STXBP6: variants seen among roughly 807,000 people sequenced by gnomAD.
STXBP6 encodes the protein syntaxin binding protein 6.
STXBP6 carries 21 observed loss-of-function variants against 26.9 expected under a neutral mutation model. That is an observed-to-expected ratio of 0.78 (90% CI 0.55 to 1.12). The LOEUF is 1.12. STXBP6 is among the 50% of genes most tolerant of loss of function. The probability of loss-of-function intolerance (pLI) is 0.00; values close to 1 mark genes in which losing one functional copy is unlikely to be tolerated. For synonymous variants in STXBP6, 97 were observed against 92.6 expected, an observed-to-expected ratio of 1.05 and a Z score of -0.27; for missense variants, 232 against 257.9, an observed-to-expected ratio of 0.90 and a Z score of 0.69.
intron 2 of STXBP6, among the ~76,000 whole-genome samples, chr14:24,914,600 T>C (rs892142267): frequency 1.3e-5 from 2 of 152,216 alleles, no homozygotes; most frequent in African/African-American, 4.8e-5. Flanking sequence ...CTATCCTGAA[T>C]GCCAGGGCCG....
intron 5 of STXBP6, chr14:24,815,986 G>C (rs527242256): frequency 2.0e-5 from 3 of 152,254 alleles, no homozygotes; most frequent in African/African-American, 7.2e-5. Flanking sequence ...TTGAAGTCAG[G>C]GTTGTGCAAA....
intron 4 of STXBP6, among the ~76,000 whole-genome samples, chr14:24,850,068 A>G (rs1180140248): frequency 6.6e-6 from 1 of 152,150 alleles, no homozygotes; most frequent in Non-Finnish European, 1.5e-5. Context: ...TTAAAGTACT[A>G]TATTAATATA....
At chr14:24,942,226 G>A (rs187045360) in intron 2 of STXBP6, among the ~76,000 whole-genome samples, 1 of 152,352 alleles carries the variant, frequency 6.6e-6, no homozygotes, top group Admixed American at 6.5e-5. Context: ...TTGGCCACTA[G>A]TGGAGGTCTT....
intron 3 of STXBP6, 111 bp downstream of exon 3, chr14:24,856,916 A>T: frequency 7.6e-7 from 1 of 1,310,638 alleles, no homozygotes; most frequent in Non-Finnish European, 1.0e-6. Flanking sequence ...ATTGAAATAG[A>T]GAAATAGCCT....
intron 5 of STXBP6, among the ~76,000 whole-genome samples, 158 bp downstream of exon 5, chr14:24,818,879 C>A (rs141891117): frequency 1.3e-5 from 2 of 152,120 alleles, no homozygotes; most frequent in Non-Finnish European, 2.9e-5. Context: ...AAATTTTCCA[C>A]GACTCAGGTG....
chr14:24,828,643 G>A (rs1016430026), intron 4 of STXBP6, among the ~76,000 whole-genome samples: 1 of 152,144 alleles, frequency 6.6e-6, no homozygotes, highest in African/African-American at 2.4e-5. Flanking sequence ...GAGCATTAAT[G>A]GTCAAACATA....
chr14:24,842,991 T>C (rs7140772), intron 4 of STXBP6, among the ~76,000 whole-genome samples: 3,239 of 152,274 alleles, frequency 0.021, 98 homozygotes, highest in African/African-American at 0.073. Flanking sequence ...AATTATTTTG[T>C]TAATGACCAC....
intron 1 of STXBP6, among the ~76,000 whole-genome samples, chr14:25,046,609 A>G (rs7151656): frequency 0.31 from 46,532 of 151,956 alleles, 7,204 homozygotes; most frequent in Non-Finnish European, 0.32. Context: ...TGATTTGGGC[A>G]CTACATTATG....
At chr14:24,820,133 TTTG>T (rs1351387966) in intron 4 of STXBP6, among the ~76,000 whole-genome samples, 4 of 152,232 alleles carry the variant, frequency 2.6e-5, no homozygotes, top group African/African-American at 9.6e-5. Flanking sequence ...ATAGCTGTAT[TTTG>T]TTAACACTGA....
intron 4 of STXBP6, among the ~76,000 whole-genome samples, chr14:24,855,692 G>A (rs1198916804): frequency 6.6e-6 from 1 of 152,060 alleles, no homozygotes; most frequent in Non-Finnish European, 1.5e-5. Context: ...TTAGCTAAGT[G>A]CAGATAAGAA....
intron 2 of STXBP6, among the ~76,000 whole-genome samples, chr14:24,923,480 T>C (rs2072054032): frequency 6.6e-6 from 1 of 152,198 alleles, no homozygotes; most frequent in African/African-American, 2.4e-5. Context: ...ATGGTATAAG[T>C]ACTAGCCAAG....
At chr14:24,947,511 C>A (rs143920524) in intron 2 of STXBP6, among the ~76,000 whole-genome samples, 6 of 152,330 alleles carry the variant, frequency 3.9e-5, no homozygotes, top group Non-Finnish European at 7.3e-5. Context: ...TCACTGCCAA[C>A]TACATCGGTA....
chr14:24,901,277 C>A (rs2071202687), intron 2 of STXBP6, among the ~76,000 whole-genome samples: 2 of 151,838 alleles, frequency 1.3e-5, no homozygotes, highest in African/African-American at 4.8e-5. Flanking sequence ...TCATTTTAGA[C>A]AAACACTGTT....
rs941106433 is a variant in STXBP6, at chr14:24,809,938, G to A, written c.*2771C>T. On this transcript the variant is annotated 3_prime_UTR_variant, in exon 6 of 6. Transcript: ENST00000323944. ...AAGTAGTATTAAAACAGTTTTCACT[G>A]TAACTTAAGTCTAACACGTAATCTG... The A allele has an allele frequency of 3.3e-5, 5 of 152,100 alleles. No homozygotes were observed. Among genetic ancestry groups the A allele is most frequent in the Non-Finnish European group, 5.9e-5 (4 of 68,018 alleles). The allele number at this position is 152,100 out of a possible 1,614,324, so 9.4% of individuals were successfully genotyped here.
intron 2 of STXBP6, among the ~76,000 whole-genome samples, chr14:24,964,754 A>C (rs1048448298): frequency 6.6e-6 from 1 of 151,984 alleles, no homozygotes; most frequent in Non-Finnish European, 1.5e-5. Flanking sequence ...CTGGGTCCAC[A>C]GGCATTTGTA....
chr14:25,049,956 G>C lies in STXBP6; in HGVS notation c.-111C>G. On this transcript the variant is annotated 5_prime_UTR_variant, in exon 1 of 6. Coordinates refer to ENST00000323944, the MANE Select transcript of STXBP6 (RefSeq NM_001394410.1). The surrounding 1 kb of genome is among the most constrained non-coding windows in gnomAD (Gnocchi z 5.6). Reference sequence around the variant, plus strand: ...GCACGAGGCTCCTCCCCGGGGGGCTGCCCCGCGCGGGGCTCCGGGCTCCGG... The same window carrying C: ...GCACGAGGCTCCTCCCCGGGGGGCTCCCCCGCGCGGGGCTCCGGGCTCCGG... 1 of 863,454 alleles carries C rather than the reference G, an allele frequency of 1.2e-6. No homozygotes were observed. Among genetic ancestry groups the C allele is most frequent in the Non-Finnish European group, 1.4e-6 (1 of 720,382 alleles). 53.5% of individuals were successfully genotyped at this position (863,454 alleles called of 1,614,324 possible). A position where few individuals can be genotyped will look rare whatever the true frequency, so the allele number is the denominator to read the frequency against.
chr14:24,828,774 G>A (rs796548670), intron 4 of STXBP6, among the ~76,000 whole-genome samples: 21 of 152,256 alleles, frequency 1.4e-4, no homozygotes, highest in Admixed American at 3.3e-4. Context: ...TCTAGACAAC[G>A]TGACAAATTA....
intron 2 of STXBP6, among the ~76,000 whole-genome samples, chr14:24,894,236 C>T (rs1442503166): frequency 3.3e-5 from 5 of 152,132 alleles, no homozygotes; most frequent in Admixed American, 6.5e-5. Context: ...AGAGAGAAGA[C>T]GTAGGTCTGA....
rs147616618 is a variant in STXBP6 at position 24,932,477 on chromosome 14, G to A, written c.154+42188C>T. On this transcript the variant is annotated intron_variant, in intron 2 of 5. Coordinates refer to ENST00000323944, the MANE Select transcript of STXBP6 (RefSeq NM_001394410.1). ...TTAAGGTGCAGTGAGGTATGATTGC[G>A]CCATTGCACTGCAGCCTGGATGATA... 4.9e-4 allele frequency among the ~76,000 whole-genome samples: 75 copies of A among 152,204 alleles called. No individual in the cohort carries two copies. In the East Asian group the frequency reaches 0.011, roughly 23 times the overall value.
Sources: gnomAD v4.1 joint callset for allele counts (sites outside exome capture counted in the v4.1 genomes callset) on GRCh38, gnomAD v4.1.1 for gene constraint, Gnocchi (gnomAD v3.1) non-coding constraint, MANE v1.5 for transcripts, NCBI Gene and HGNC (gene_info 2026-07-23, HGNC 2026-07-21) for gene names.